Variants in CLDN14 observed in about 807,000 individuals in gnomAD.
CLDN14 encodes claudin 14.
Under a neutral mutation model 2.1 loss-of-function variants are expected in CLDN14, and 2 were observed. That is an observed-to-expected ratio of 0.96 (90% CI 0.39 to 3.01). CLDN14 has a LOEUF of 3.01. Ranked by LOEUF, CLDN14 falls within the 30% of genes most tolerant of loss-of-function variation. The pLI is 0.09. For synonymous variants in CLDN14, 136 were observed against 154.4 expected (o/e 0.88, Z 0.88); for missense variants, 298 against 328.0 (o/e 0.91, Z 0.71).
intron 1 of CLDN14, among the ~76,000 whole-genome samples, chr21:36,565,644 A>G (rs1015104950): frequency 1.3e-5 from 2 of 152,216 alleles, no homozygotes; most frequent in African/African-American, 4.8e-5. Flanking sequence ...GGCTCCAGCC[A>G]ACTCTGAACA....
At chr21:36,531,739 T>G (rs1488682634) in intron 1 of CLDN14, among the ~76,000 whole-genome samples, 7 of 151,760 alleles carry the variant, frequency 4.6e-5, no homozygotes, top group Non-Finnish European at 2.9e-5. Context: ...TCATTATCTA[T>G]GTAATTAAAA....
intron 1 of CLDN14, among the ~76,000 whole-genome samples, chr21:36,570,639 T>C (rs1276471828): frequency 6.6e-6 from 1 of 152,202 alleles, no homozygotes; most frequent in African/African-American, 2.4e-5. Context: ...TGGACATATA[T>C]AATAAATTAA....
chr21:36,550,815 C>T (rs58092779), intron 1 of CLDN14, among the ~76,000 whole-genome samples: 2 of 152,368 alleles, frequency 1.3e-5, no homozygotes, highest in East Asian at 1.9e-4. Flanking sequence ...GCACCAGCCA[C>T]GGTCCCTACA....
At chr21:36,513,433 A>G (rs376714613) in intron 1 of CLDN14, among the ~76,000 whole-genome samples, 42 of 152,256 alleles carry the variant, frequency 2.8e-4, no homozygotes, top group African/African-American at 1.0e-3. Context: ...TTGTTGAGCC[A>G]CTGAATCAAC....
At chr21:36,466,064 C>T (rs1409620784) in intron 1 of CLDN14, among the ~76,000 whole-genome samples, 1 of 152,130 alleles carries the variant, frequency 6.6e-6, no homozygotes, top group Non-Finnish European at 1.5e-5. Flanking sequence ...ACACAAATGT[C>T]AAATATGTTT....
At chr21:36,556,774 TTC>T (rs771568573) in intron 1 of CLDN14, among the ~76,000 whole-genome samples, 12 of 152,200 alleles carry the variant, frequency 7.9e-5, no homozygotes, top group Non-Finnish European at 1.5e-4. Flanking sequence ...GTGGATTCTC[TTC>T]TCTCTCTCTA....
rs533594791 is a variant in CLDN14 at position 36,488,000 on chromosome 21, A to C, written c.-82+22363T>G. ...AGTAGAGACTCAAACAGGTGTGTGC[A>C]CACTCACCTTCATAGCAGCATTATT... On this transcript the variant is annotated intron_variant, in intron 2 of 2. Coordinates refer to the CLDN14 transcript ENST00000342108. 4.6e-5 allele frequency among the ~76,000 whole-genome samples: 7 copies of C among 152,354 alleles called. No individual in the cohort carries two copies. In the South Asian group the frequency reaches 1.5e-3, roughly 32 times the overall value.
chr21:36,539,084 C>G (rs1313698876), intron 1 of CLDN14, among the ~76,000 whole-genome samples: 1 of 152,256 alleles, frequency 6.6e-6, no homozygotes, highest in Non-Finnish European at 1.5e-5. Flanking sequence ...TGGGAAGTCT[C>G]TGTTGTAACC....
At chr21:36,480,781 G>C (rs2845765), upstream of CLDN14, 50,084 of 151,864 alleles carry the variant, frequency 0.33, 10,032 homozygotes, top group African/African-American at 0.57. Flanking sequence ...CCAGGGCCAG[G>C]GACTTACTTG....
chr21:36,492,145 A>AC (rs1295169082), intron 2 of CLDN14, among the ~76,000 whole-genome samples: 1 of 148,046 alleles, frequency 6.8e-6, no homozygotes, highest in East Asian at 2.2e-4. Context: ...CTCTAAAAAA[A>AC]ATGCAAGGGC....
At chr21:36,554,635 T>C (rs1370282502) in intron 1 of CLDN14, among the ~76,000 whole-genome samples, 2 of 152,060 alleles carry the variant, frequency 1.3e-5, no homozygotes, top group Non-Finnish European at 2.9e-5. Flanking sequence ...GTCACACAGC[T>C]AGGATTCTGA....
At chr21:36,500,120 T>C (rs891605800) in intron 2 of CLDN14, among the ~76,000 whole-genome samples, 3 of 152,212 alleles carry the variant, frequency 2.0e-5, no homozygotes, top group East Asian at 1.9e-4. Context: ...TCCCCCTTTT[T>C]GGTCTGTTTA....
intron 1 of CLDN14, among the ~76,000 whole-genome samples, chr21:36,569,343 G>C (rs538918376): frequency 6.6e-6 from 1 of 151,920 alleles, no homozygotes; most frequent in Non-Finnish European, 1.5e-5. Context: ...TTGAACCCGG[G>C]AGGCAAAGGT....
At chr21:36,528,867 G>A (rs2087356633) in intron 1 of CLDN14, among the ~76,000 whole-genome samples, 3 of 152,210 alleles carry the variant, frequency 2.0e-5, no homozygotes, top group African/African-American at 7.2e-5. Flanking sequence ...GGCAGCATCT[G>A]CTGTAGTGTG....
At chr21:36,476,731 G>A (rs374095824) in intron 1 of CLDN14, among the ~76,000 whole-genome samples, 3 of 152,234 alleles carry the variant, frequency 2.0e-5, no homozygotes, top group East Asian at 3.9e-4. Context: ...GATTGTAGGC[G>A]TGAGCCACTG....
At chr21:36,492,237 A>T (rs1268871699) in intron 2 of CLDN14, among the ~76,000 whole-genome samples, 2 of 128,542 alleles carry the variant, frequency 1.6e-5, no homozygotes, top group African/African-American at 6.9e-5. Context: ...GATCGAGACC[A>T]TCCTGGCTAA....
chr21:36,478,521 C>T (rs2086803744), intron 1 of CLDN14, among the ~76,000 whole-genome samples: 1 of 152,220 alleles, frequency 6.6e-6, no homozygotes, highest in Non-Finnish European at 1.5e-5. Context: ...GAAGTTTTAT[C>T]ATCCTAACAG....
chr21:36,569,213 C>A (rs567451773), intron 1 of CLDN14, among the ~76,000 whole-genome samples: 2 of 152,278 alleles, frequency 1.3e-5, no homozygotes, highest in East Asian at 3.9e-4. Context: ...GTCAGGAGTT[C>A]GAGACCAGCC....
chr21:36,478,090 G>A (rs2086798920), intron 1 of CLDN14, among the ~76,000 whole-genome samples: 1 of 152,060 alleles, frequency 6.6e-6, no homozygotes, highest in Non-Finnish European at 1.5e-5. Flanking sequence ...AACAATAATG[G>A]ACATATTCCA....
Sources: gnomAD v4.1 joint callset for allele counts (sites outside exome capture counted in the v4.1 genomes callset) on GRCh38, gnomAD v4.1.1 for gene constraint, MANE v1.5 for transcripts, NCBI Gene and HGNC (gene_info 2026-07-23, HGNC 2026-07-21) for gene names.